The following RANBP17 variants were observed in gnomAD, a reference collection of about 807,000 sequenced individuals.
RANBP17 encodes the protein ran-binding protein 17.
Under a neutral mutation model 141.2 loss-of-function variants are expected in RANBP17, and 158 were observed. The ratio of observed to expected loss-of-function variants is 1.12; its 90% confidence interval spans 0.98 to 1.28. RANBP17 has a LOEUF of 1.28. RANBP17 is among the 50% of genes most tolerant of loss of function. RANBP17 has a pLI of 0.00. For missense variants in RANBP17, 1,438 were observed against 1,290.7 expected, an observed-to-expected ratio of 1.11 and a Z score of -1.75; for synonymous variants, 430 against 450.0, an observed-to-expected ratio of 0.96 and a Z score of 0.56.
chr5:171,293,899 T>A lies in RANBP17; in HGVS notation c.2960T>A (p.Met987Lys). The change falls in exon 26 of 28, where the codon ATG (methionine) becomes AAG (lysine). Residue 987 changes from methionine (M) to lysine (K), a missense_variant. Transcript: ENST00000523189. Reference sequence around the variant, plus strand: ...ATCTTCTAGATGATGTCTGTCCTCATGAACACCATTGTCTTTGAAGACTGT... The same window carrying A: ...ATCTTCTAGATGATGTCTGTCCTCAAGAACACCATTGTCTTTGAAGACTGT... ...DVLQQMMSVL[M>K]NTIVFEDCRN... 2 of 1,613,434 alleles carry A rather than the reference T, an allele frequency of 1.2e-6. No homozygotes were observed. The highest frequency in any genetic ancestry group is 1.7e-6 in the Non-Finnish European group (2 of 1,179,372).
intron 14 of RANBP17, among the ~76,000 whole-genome samples, chr5:171,010,761 G>A (rs1238559774): frequency 6.6e-6 from 1 of 152,028 alleles, no homozygotes; most frequent in Non-Finnish European, 1.5e-5. Context: ...GGATTATTAG[G>A]GAGTCTTATG....
chr5:171,209,275 T>G (rs1338164481), intron 20 of RANBP17, among the ~76,000 whole-genome samples: 5 of 152,220 alleles, frequency 3.3e-5, no homozygotes, highest in Admixed American at 6.5e-5. Context: ...CATATACCAC[T>G]CATTTCATGG....
At chr5:170,928,132 T>A (rs13356896) in intron 12 of RANBP17, among the ~76,000 whole-genome samples, 2 of 152,128 alleles carry the variant, frequency 1.3e-5, no homozygotes, top group Non-Finnish European at 2.9e-5. Flanking sequence ...TCTTTTCTAT[T>A]CTTTTTTGCC....
chr5:170,974,156 A>T (rs1466594201), intron 14 of RANBP17, among the ~76,000 whole-genome samples: 1 of 152,174 alleles, frequency 6.6e-6, no homozygotes, highest in Non-Finnish European at 1.5e-5. Context: ...TGTAAATATC[A>T]TCTAAATGAG....
chr5:171,039,988 A>G (rs1228629678), intron 14 of RANBP17, among the ~76,000 whole-genome samples: 1 of 152,128 alleles, frequency 6.6e-6, no homozygotes, highest in Non-Finnish European at 1.5e-5. Flanking sequence ...ATTCCAAAAA[A>G]TCGAGGAGGA....
chr5:171,295,135 G>A (rs1190161684), intron 26 of RANBP17, among the ~76,000 whole-genome samples: 1 of 152,146 alleles, frequency 6.6e-6, no homozygotes, highest in Non-Finnish European at 1.5e-5. Context: ...TTGGGGCTGG[G>A]AAGAATAAAT....
intron 14 of RANBP17, among the ~76,000 whole-genome samples, chr5:171,131,294 T>C (rs941845042): frequency 1.3e-5 from 2 of 152,226 alleles, no homozygotes; most frequent in East Asian, 3.8e-4. Context: ...TTGCAAGTGG[T>C]TCCTATTTAT....
chr5:171,204,201 G>T (rs1490197987), intron 19 of RANBP17, among the ~76,000 whole-genome samples: 1 of 152,130 alleles, frequency 6.6e-6, no homozygotes, highest in Non-Finnish European at 1.5e-5. Context: ...TCAAGATTCA[G>T]AAATTCAGAT....
intron 25 of RANBP17, among the ~76,000 whole-genome samples, chr5:171,277,938 C>CCTTTTTTTT (rs1554127986): frequency 5.5e-5 from 4 of 72,264 alleles, no homozygotes; most frequent in Non-Finnish European, 7.0e-5. Flanking sequence ...GGACTTCTTT[C>CCTTTTTTTT]TTTTTTTTTT....
At chr5:170,999,245 A>C (rs114138175) in intron 14 of RANBP17, among the ~76,000 whole-genome samples, 2,004 of 152,212 alleles carry the variant, frequency 0.013, 46 homozygotes, top group African/African-American at 0.046. Flanking sequence ...TAAAATCCTG[A>C]CATTTGTTAC....
At chr5:171,165,042 C>T (rs1759583663) in intron 14 of RANBP17, among the ~76,000 whole-genome samples, 1 of 152,172 alleles carries the variant, frequency 6.6e-6, no homozygotes, top group African/African-American at 2.4e-5. Flanking sequence ...TGTTACCTGA[C>T]CACTTCAGCA....
At chr5:171,289,494 T>A (rs112301706) in intron 25 of RANBP17, among the ~76,000 whole-genome samples, 4 of 152,080 alleles carry the variant, frequency 2.6e-5, no homozygotes, top group African/African-American at 9.7e-5. Context: ...TCCCAGCACT[T>A]CGGGAGGCTG....
At chr5:170,877,950 G>T (rs778825513) in intron 1 of RANBP17, 147 bp from the exon 2 acceptor site, 4 of 459,220 alleles carry the variant, frequency 8.7e-6, no homozygotes, top group Non-Finnish European at 1.5e-5. Flanking sequence ...GTTTGCAACT[G>T]TATCCCCTAG....
At chr5:171,197,102 A>G (rs1378677548) in intron 18 of RANBP17, among the ~76,000 whole-genome samples, 1 of 152,230 alleles carries the variant, frequency 6.6e-6, no homozygotes, top group Non-Finnish European at 1.5e-5. Context: ...GCTTAAGTAT[A>G]ATGAGCATAT....
chr5:170,920,284 A>G (rs773474668), intron 11 of RANBP17, among the ~76,000 whole-genome samples: 4 of 152,170 alleles, frequency 2.6e-5, no homozygotes, highest in Non-Finnish European at 4.4e-5. Flanking sequence ...CCCGCTCACA[A>G]TGTATGAAAG....
chr5:171,036,686 G>A (rs1006501596), intron 14 of RANBP17, among the ~76,000 whole-genome samples: 1 of 151,980 alleles, frequency 6.6e-6, no homozygotes, highest in South Asian at 2.1e-4. Flanking sequence ...AATAACATGT[G>A]GTATTTGTTT....
intron 23 of RANBP17, among the ~76,000 whole-genome samples, chr5:171,241,406 G>T (rs947162252): frequency 1.1e-4 from 17 of 151,636 alleles, no homozygotes; most frequent in African/African-American, 4.1e-4. Context: ...TCATGCTTAG[G>T]CTTAGTTCAG....
At chr5:171,294,042 C>T (rs1330615850) in intron 26 of RANBP17, 61 bp downstream of exon 26, 1 of 1,203,320 alleles carries the variant, frequency 8.3e-7, no homozygotes, top group African/African-American at 1.5e-5. Context: ...CAGCTATAAG[C>T]TAGGGTGAGC....
Position 170,878,345 on chromosome 5 carries a change from A to G in RANBP17, c.165+102A>G, listed in dbSNP as rs747034890. ...AATGGTAACTGATAGATATTGCCAC[A>G]TGGTTTTTTTGTTTTTGTGAAACTA... On this transcript the variant is annotated intron_variant, in intron 2 of 27. Transcript: ENST00000523189. The G allele has an allele frequency of 8.9e-6, 9 of 1,015,658 alleles. No individual in the cohort carries two copies. The South Asian group carries it at 2.8e-4, about 32-fold the overall frequency. The allele number at this position is 1,015,658 out of a possible 1,614,324, so 62.9% of individuals were successfully genotyped here.
Sources: gnomAD v4.1 joint callset for allele counts (sites outside exome capture counted in the v4.1 genomes callset) on GRCh38, gnomAD v4.1.1 for gene constraint, MANE v1.5 for transcripts, NCBI Gene and HGNC (gene_info 2026-07-23, HGNC 2026-07-21) for gene names.